The following ANK3 variants were observed in gnomAD, a reference collection of about 807,000 sequenced individuals.
The protein encoded by ANK3 is ankyrin 3, also known as ankyrin-3.
Under a neutral mutation model 370.9 loss-of-function variants are expected in ANK3, and 57 were observed. The ratio of observed to expected loss-of-function variants is 0.15; its 90% CI spans 0.12 to 0.19. The LOEUF is 0.19. Ranked by LOEUF, ANK3 falls within the 10% of genes least tolerant of loss-of-function variation. ANK3 has a pLI of 1.00. For missense variants in ANK3, 4,439 were observed against 5,302.1 expected, an observed-to-expected ratio of 0.84 and a Z score of 5.06; for synonymous variants, 1,929 against 1,946.3, an observed-to-expected ratio of 0.99 and a Z score of 0.23.
At chr10:60,123,115 G>C (rs1350515737) in intron 25 of ANK3, among the ~76,000 whole-genome samples, 1 of 152,044 alleles carries the variant, frequency 6.6e-6, no homozygotes, top group African/African-American at 2.4e-5. Flanking sequence ...CAAAAACTAG[G>C]CAATACGAAG....
At chr10:60,383,953 C>T (rs1208492052) in intron 1 of ANK3, among the ~76,000 whole-genome samples, 1 of 152,104 alleles carries the variant, frequency 6.6e-6, no homozygotes, top group African/African-American at 2.4e-5. Context: ...TTGTGGCTGA[C>T]CTTAAAAGAG....
intron 7 of ANK3, among the ~76,000 whole-genome samples, chr10:60,260,038 G>C (rs997042467): frequency 1.3e-5 from 2 of 152,222 alleles, no homozygotes; most frequent in Non-Finnish European, 2.9e-5. Flanking sequence ...CTTTCGGCAA[G>C]CTCATGACAA....
intron 25 of ANK3, among the ~76,000 whole-genome samples, chr10:60,121,534 T>C (rs144610128): frequency 4.2e-4 from 63 of 151,502 alleles, no homozygotes; most frequent in African/African-American, 1.5e-3. Flanking sequence ...TCTATAAAAA[T>C]TGCAAAAAAG....
At chr10:60,117,278 A>G (rs927320539) in intron 25 of ANK3, among the ~76,000 whole-genome samples, 1 of 152,232 alleles carries the variant, frequency 6.6e-6, no homozygotes, top group African/African-American at 2.4e-5. Flanking sequence ...GGGAATTTTC[A>G]TGGTTATGAT....
chr10:60,062,979 ACT>A, intron 40 of ANK3, 130 bp downstream of exon 40: 3 of 887,206 alleles, frequency 3.4e-6, no homozygotes, highest in Non-Finnish European at 5.0e-6. Context: ...TTATTTGCAG[ACT>A]CTGGCAGAGA....
At chr10:60,446,003 C>T (rs1376136336) in intron 2 of ANK3, among the ~76,000 whole-genome samples, 2 of 152,174 alleles carry the variant, frequency 1.3e-5, no homozygotes, top group Non-Finnish European at 2.9e-5. Flanking sequence ...AAAATTACAA[C>T]CTGTTTGTTC....
intron 8 of ANK3, among the ~76,000 whole-genome samples, chr10:60,231,355 C>T (rs780852448): frequency 2.6e-5 from 4 of 152,288 alleles, no homozygotes; most frequent in Non-Finnish European, 5.9e-5. Context: ...GGAACAAGGT[C>T]CCTTACAGTG....
chr10:60,229,379 A>T (rs1006482469), intron 8 of ANK3, among the ~76,000 whole-genome samples: 2 of 152,224 alleles, frequency 1.3e-5, no homozygotes, highest in African/African-American at 4.8e-5. Context: ...AGACTATTCT[A>T]TGACTTTGAA....
intron 1 of ANK3, among the ~76,000 whole-genome samples, chr10:60,622,251 C>CTTT: frequency 6.8e-6 from 1 of 146,336 alleles, no homozygotes; most frequent in East Asian, 2.0e-4. Flanking sequence ...AGGCCTGAGG[C>CTTT]TTTTTTTTTT....
intron 2 of ANK3, among the ~76,000 whole-genome samples, chr10:60,444,682 T>G (rs527360854): frequency 4.6e-5 from 7 of 151,864 alleles, no homozygotes; most frequent in Non-Finnish European, 7.4e-5. Context: ...CTAGAGGGAG[T>G]GGTTGATCTT....
intron 7 of ANK3, among the ~76,000 whole-genome samples, chr10:60,258,671 G>T (rs1183097740): frequency 1.3e-5 from 2 of 152,166 alleles, no homozygotes; most frequent in Non-Finnish European, 2.9e-5. Context: ...CAGAAGTGTT[G>T]TCATTCTTCC....
At chr10:60,428,744 C>T (rs1363243402) in intron 2 of ANK3, among the ~76,000 whole-genome samples, 1 of 152,138 alleles carries the variant, frequency 6.6e-6, no homozygotes, top group Non-Finnish European at 1.5e-5. Context: ...TAATTTCCAA[C>T]AAGGTTTCCA....
At chr10:60,663,289 G>A (rs10994467) in intron 1 of ANK3, among the ~76,000 whole-genome samples, 41,037 of 152,094 alleles carry the variant, frequency 0.27, 6,621 homozygotes, top group South Asian at 0.48. Flanking sequence ...ATAGGGAGAA[G>A]GCAGAGGCAG....
chr10:60,308,299 T>C lies in ANK3; in HGVS notation c.115-28660A>G, dbSNP rs1052999619. ...TTGACTTTGGAGGGAATCTGGCTTT[T>C]TTTTTTTTTTTTTTTTTTGAGATGG... On this transcript the variant is annotated intron_variant, in intron 1 of 43. Transcript: ENST00000280772. Among the ~76,000 whole-genome samples the C allele has an allele frequency of 6.1e-3, 879 of 143,964 alleles. 3 individuals are homozygous for C. The highest frequency in any genetic ancestry group is 0.01 in the Non-Finnish European group (678 of 65,186). 94.4% of individuals were successfully genotyped at this position (143,964 alleles called of 152,430 possible).
intron 2 of ANK3, among the ~76,000 whole-genome samples, chr10:60,574,508 C>T (rs796955634): frequency 4.6e-5 from 7 of 152,282 alleles, no homozygotes; most frequent in African/African-American, 1.7e-4. Flanking sequence ...TGCCACTATT[C>T]AGTAACATTC....
intron 1 of ANK3, among the ~76,000 whole-genome samples, chr10:60,723,010 C>T (rs1285158426): frequency 6.6e-6 from 1 of 152,130 alleles, no homozygotes; most frequent in Non-Finnish European, 1.5e-5. Flanking sequence ...CAAAAACTAA[C>T]CCACTAAATT....
chr10:60,641,150 A>C (rs1358146494), intron 1 of ANK3, among the ~76,000 whole-genome samples: 1 of 149,770 alleles, frequency 6.7e-6, no homozygotes, highest in Non-Finnish European at 1.5e-5. Context: ...CAAATGGAAG[A>C]ACATTCCATG....
intron 25 of ANK3, among the ~76,000 whole-genome samples, chr10:60,118,482 A>T (rs142370478): frequency 6.6e-6 from 1 of 152,298 alleles, no homozygotes; most frequent in African/African-American, 2.4e-5. Flanking sequence ...TAACCCGTCA[A>T]AAGCAATAAA....
intron 2 of ANK3, among the ~76,000 whole-genome samples, chr10:60,602,648 G>A (rs1380543672): frequency 6.6e-6 from 1 of 152,092 alleles, no homozygotes; most frequent in Non-Finnish European, 1.5e-5. Context: ...ATAGAGCTTG[G>A]ATGGGAAAAG....
Sources: gnomAD v4.1 joint callset for allele counts (sites outside exome capture counted in the v4.1 genomes callset) on GRCh38, gnomAD v4.1.1 for gene constraint, MANE v1.5 for transcripts, NCBI Gene and HGNC (gene_info 2026-07-23, HGNC 2026-07-21) for gene names.